KCNB2: variants seen among roughly 807,000 people sequenced by gnomAD.
KCNB2 encodes delayed rectifier potassium channel protein.
KCNB2 carries 15 observed loss-of-function variants against 61.5 expected under a neutral mutation model. That is an observed-to-expected ratio of 0.24 (90% confidence interval 0.16 to 0.38). KCNB2 has a LOEUF of 0.38. Ranked by LOEUF, KCNB2 falls within the 10% of genes least tolerant of loss-of-function variation. The pLI is 1.00. For missense variants in KCNB2, 828 were observed against 1,125.2 expected (o/e 0.74, Z 3.78); for synonymous variants, 457 against 446.0 (o/e 1.02, Z -0.31).
chr8:72,822,201 G>C (rs1809523734), intron 2 of KCNB2, among the ~76,000 whole-genome samples: 1 of 152,206 alleles, frequency 6.6e-6, no homozygotes, highest in Non-Finnish European at 1.5e-5. Context: ...CCTTCAACAA[G>C]ACTGATATTT....
chr8:72,588,481 C>T (rs1250583158), intron 2 of KCNB2, among the ~76,000 whole-genome samples: 1 of 151,990 alleles, frequency 6.6e-6, no homozygotes, highest in Non-Finnish European at 1.5e-5. Flanking sequence ...CCAGGTGATC[C>T]GCCCACCTCG....
chr8:72,859,123 G>A (rs1157534312), intron 2 of KCNB2, among the ~76,000 whole-genome samples: 2 of 152,192 alleles, frequency 1.3e-5, no homozygotes, highest in African/African-American at 2.4e-5. Context: ...GTACCTCTCA[G>A]TGTGAATCTG....
chr8:72,812,209 A>G (rs1809319109), intron 2 of KCNB2, among the ~76,000 whole-genome samples: 1 of 152,122 alleles, frequency 6.6e-6, no homozygotes, highest in Non-Finnish European at 1.5e-5. Flanking sequence ...CGGAGGTTAC[A>G]GTGAGCAGAG....
chr8:72,580,714 T>C (rs527763291), intron 2 of KCNB2, among the ~76,000 whole-genome samples: 1 of 152,276 alleles, frequency 6.6e-6, no homozygotes, highest in South Asian at 2.1e-4. Flanking sequence ...TTACCTTTAC[T>C]TATCCTATTC....
chr8:72,904,782 C>T (rs1806146548), intron 2 of KCNB2, among the ~76,000 whole-genome samples: 2 of 151,710 alleles, frequency 1.3e-5, no homozygotes, highest in African/African-American at 4.8e-5. Flanking sequence ...AAATTTATTA[C>T]TCCATATTAT....
chr8:72,766,433 CA>C (rs1808461437), intron 2 of KCNB2, among the ~76,000 whole-genome samples: 1 of 152,276 alleles, frequency 6.6e-6, no homozygotes, highest in South Asian at 2.1e-4. Flanking sequence ...TAATCTAACA[CA>C]GCCAAGAAAT....
intron 2 of KCNB2, among the ~76,000 whole-genome samples, chr8:72,739,752 C>G (rs1229640463): frequency 6.6e-6 from 1 of 152,048 alleles, no homozygotes; most frequent in Admixed American, 6.6e-5. Flanking sequence ...TCCTGTAGAT[C>G]AAAGGAAGCT....
intron 2 of KCNB2, among the ~76,000 whole-genome samples, chr8:72,746,164 T>C (rs888025194): frequency 6.6e-6 from 1 of 152,146 alleles, no homozygotes; most frequent in African/African-American, 2.4e-5. Context: ...TTTTTGTTAT[T>C]CATCCTAGGC....
intron 1 of KCNB2, among the ~76,000 whole-genome samples, chr8:72,542,000 A>G (rs1806195539): frequency 1.3e-5 from 2 of 152,138 alleles, no homozygotes. Flanking sequence ...ATTTCAATAG[A>G]AATTAAAATA....
In KCNB2 at chr8:72,862,383, G is replaced by A. The variant is rs143142751; in HGVS notation, c.580-73552G>A. Among the ~76,000 whole-genome samples, 1,107 of 152,290 alleles carry A rather than the reference G, an allele frequency of 7.3e-3. 14 individuals are homozygous for A. Among genetic ancestry groups the A allele is most frequent in the African/African-American group, 0.02 (830 of 41,564 alleles). On this transcript the variant is annotated intron_variant, in intron 2 of 2. Coordinates refer to ENST00000523207, the MANE Select transcript of KCNB2 (RefSeq NM_004770.3). ...GAACGCACTAGTATTTTTGCCAGCT[G>A]TGGCTATTAGTTAAAAGTGGCCACT...
intron 2 of KCNB2, among the ~76,000 whole-genome samples, chr8:72,772,721 T>C (rs896458260): frequency 6.6e-6 from 1 of 152,206 alleles, no homozygotes; most frequent in Admixed American, 6.5e-5. Flanking sequence ...GTTATATACC[T>C]ACATGTGATT....
At chr8:72,813,407 T>A (rs990626672) in intron 2 of KCNB2, among the ~76,000 whole-genome samples, 5 of 151,676 alleles carry the variant, frequency 3.3e-5, no homozygotes, top group Middle Eastern at 3.2e-3. Context: ...CCACTTAAGT[T>A]TACACCCAAA....
At chr8:72,931,548 T>C (rs1029880708) in intron 2 of KCNB2, among the ~76,000 whole-genome samples, 1 of 152,184 alleles carries the variant, frequency 6.6e-6, no homozygotes, top group East Asian at 1.9e-4. Flanking sequence ...GTATTTTATT[T>C]TCTTTGAAGC....
chr8:72,704,265 A>T (rs1036018471), intron 2 of KCNB2, among the ~76,000 whole-genome samples: 12 of 152,226 alleles, frequency 7.9e-5, no homozygotes, highest in African/African-American at 2.7e-4. Context: ...CATTTGGCTC[A>T]TTCTTCATTC....
intron 1 of KCNB2, among the ~76,000 whole-genome samples, chr8:72,548,633 G>C (rs1289194069): frequency 6.6e-6 from 1 of 152,138 alleles, no homozygotes; most frequent in Non-Finnish European, 1.5e-5. Context: ...GATACCTAGA[G>C]GTGGTTTTAA....
At chr8:72,655,126 T>G (rs1012258928) in intron 2 of KCNB2, among the ~76,000 whole-genome samples, 1 of 152,136 alleles carries the variant, frequency 6.6e-6, no homozygotes, top group East Asian at 1.9e-4. Flanking sequence ...TAAAAAAGCA[T>G]GAGATCACGT....
intron 2 of KCNB2, among the ~76,000 whole-genome samples, chr8:72,613,375 A>T (rs889576282): frequency 1.3e-5 from 2 of 152,224 alleles, no homozygotes; most frequent in Admixed American, 6.5e-5. Flanking sequence ...TCCTCAAAAA[A>T]TAATGTTTTA....
intron 2 of KCNB2, among the ~76,000 whole-genome samples, chr8:72,933,453 C>A (rs534497508): frequency 6.6e-6 from 1 of 152,160 alleles, no homozygotes; most frequent in Non-Finnish European, 1.5e-5. Flanking sequence ...CAGTAAAATG[C>A]ATTCAAAATT....
intron 2 of KCNB2, among the ~76,000 whole-genome samples, chr8:72,729,600 C>A (rs780032730): frequency 6.6e-6 from 1 of 152,138 alleles, no homozygotes; most frequent in Non-Finnish European, 1.5e-5. Context: ...ATATTTGGGT[C>A]TTGCCGGGCG....
Sources: gnomAD v4.1 joint callset for allele counts (sites outside exome capture counted in the v4.1 genomes callset) on GRCh38, gnomAD v4.1.1 for gene constraint, MANE v1.5 for transcripts, NCBI Gene and HGNC (gene_info 2026-07-23, HGNC 2026-07-21) for gene names.